The following SLIT2 variants were observed in gnomAD, a reference collection of about 807,000 sequenced individuals.
The protein encoded by SLIT2 is slit guidance ligand 2, also known as slit homolog 2 protein.
SLIT2 carries 41 observed loss-of-function variants against 185.7 expected under a neutral mutation model. The ratio of observed to expected loss-of-function variants is 0.22; its 90% confidence interval spans 0.17 to 0.29. The LOEUF is 0.29. Ranked by LOEUF, SLIT2 falls within the 10% of genes least tolerant of loss-of-function variation. The pLI, the probability that SLIT2 is intolerant of heterozygous loss-of-function variation, is 1.00. For missense variants in SLIT2, 1,571 were observed against 1,909.0 expected, an observed-to-expected ratio of 0.82 and a Z score of 3.30; for synonymous variants, 693 against 680.2, an observed-to-expected ratio of 1.02 and a Z score of -0.29.
intron 4 of SLIT2, among the ~76,000 whole-genome samples, chr4:20,346,851 G>T (rs1284760697): frequency 6.6e-6 from 1 of 152,132 alleles, no homozygotes; most frequent in Non-Finnish European, 1.5e-5. Context: ...GATGAAGACC[G>T]GAAGGATCAG....
chr4:20,595,778 A>G lies in SLIT2; in HGVS notation c.3264A>G (p.Gly1088=), dbSNP rs1237891698. 1.4e-5 allele frequency: 23 copies of G among 1,614,066 alleles called. No homozygotes were observed. In the Admixed American group the frequency reaches 3.8e-4, roughly 27 times the overall value. ...DDCQDNKCKN[G]AHCTDAVNGY... ...GCCAAGACAACAAGTGTAAAAACGGAGCCCACTGCACAGATGCAGTGAACG... is the reference window on the plus strand; with the variant it reads ...GCCAAGACAACAAGTGTAAAAACGGGGCCCACTGCACAGATGCAGTGAACG... The change falls in exon 31 of 37, where the codon GGA becomes GGG. Residue 1088 remains glycine (G), a synonymous_variant. Coordinates refer to ENST00000504154, the MANE Select transcript of SLIT2 (RefSeq NM_004787.4).
At chr4:20,386,333 G>T (rs1724934563) in intron 4 of SLIT2, among the ~76,000 whole-genome samples, 1 of 152,088 alleles carries the variant, frequency 6.6e-6, no homozygotes, top group Admixed American at 6.6e-5. Context: ...AATGTTTATG[G>T]CTTCATCTAA....
Position 20,348,439 on chromosome 4 carries a change from G to A in SLIT2, c.395+79558G>A, listed in dbSNP as rs1243044687. 2.6e-5 allele frequency among the ~76,000 whole-genome samples: 4 copies of A among 151,494 alleles called. No individual in the cohort carries two copies. The East Asian group carries it at 7.8e-4, about 29-fold the overall frequency. On this transcript the variant is annotated intron_variant, in intron 4 of 36. Coordinates refer to ENST00000504154, the MANE Select transcript of SLIT2 (RefSeq NM_004787.4). ...TTTAATATATTTTTAGTAGAGATGG[G>A]GTTTCACCAGGCTAGCCAGGGCTGG... is the stretch of plus-strand genomic sequence containing the variant.
At chr4:20,567,228 C>A (rs371903236) in intron 26 of SLIT2, 34 bp from the exon 27 acceptor site, 3 of 1,576,374 alleles carry the variant, frequency 1.9e-6, no homozygotes, top group Non-Finnish European at 2.6e-6. Context: ...ACTGGAAGAG[C>A]GTCAGTTGCT....
intron 16 of SLIT2, among the ~76,000 whole-genome samples, chr4:20,531,147 A>G (rs1721771680): frequency 6.6e-6 from 1 of 152,208 alleles, no homozygotes; most frequent in Non-Finnish European, 1.5e-5. Context: ...AAAAACGACA[A>G]CATATATCCA....
intron 16 of SLIT2, among the ~76,000 whole-genome samples, chr4:20,530,191 A>C (rs1721669701): frequency 6.6e-6 from 1 of 151,930 alleles, no homozygotes; most frequent in Non-Finnish European, 1.5e-5. Flanking sequence ...AAGGCCCTGA[A>C]CTTTATTTTT....
intron 5 of SLIT2, among the ~76,000 whole-genome samples, chr4:20,471,284 A>T (rs957189142): frequency 5.0e-5 from 7 of 140,544 alleles, no homozygotes; most frequent in African/African-American, 1.8e-4. Context: ...TTTAATCATG[A>T]AAACTTACGA....
intron 4 of SLIT2, among the ~76,000 whole-genome samples, chr4:20,303,062 T>C (rs2109111609): frequency 6.6e-6 from 1 of 152,368 alleles, no homozygotes. Context: ...TCAAATAATA[T>C]ACTTTTGAAA....
chr4:20,480,179 T>C (rs1716546510), intron 5 of SLIT2, among the ~76,000 whole-genome samples: 1 of 152,176 alleles, frequency 6.6e-6, no homozygotes, highest in African/African-American at 2.4e-5. Context: ...GCAAGCTATA[T>C]GGGACATCAG....
At position 20,377,941 on chromosome 4, in the gene SLIT2, A is replaced by G. The variant is rs565752780; in HGVS notation, c.396-89811A>G. ...ATAAGGAAAAACTATATTGAAATCAATAATCACCATAATGGTGGTTTTAGA... is the reference window on the plus strand; with the variant it reads ...ATAAGGAAAAACTATATTGAAATCAGTAATCACCATAATGGTGGTTTTAGA... On this transcript the variant is annotated intron_variant, in intron 4 of 36. Coordinates refer to ENST00000504154, the MANE Select transcript of SLIT2 (RefSeq NM_004787.4). Among the ~76,000 whole-genome samples the G allele has an allele frequency of 5.3e-4, 80 of 152,310 alleles. No individual in the cohort carries two copies. The South Asian group carries it at 0.014, about 28-fold the overall frequency.
At chr4:20,578,828 T>C (rs985682144) in intron 29 of SLIT2, among the ~76,000 whole-genome samples, 15 of 152,340 alleles carry the variant, frequency 9.8e-5, no homozygotes, top group Non-Finnish European at 1.2e-4. Context: ...AACAAATTAA[T>C]ATTTTTAACA....
chr4:20,466,002 G>T (rs1002733677), intron 4 of SLIT2, among the ~76,000 whole-genome samples: 1 of 151,320 alleles, frequency 6.6e-6, no homozygotes, highest in African/African-American at 2.4e-5. Context: ...AATTATAAGC[G>T]ATTAGAAAAC....
intron 12 of SLIT2, among the ~76,000 whole-genome samples, chr4:20,521,725 G>A (rs1577846993): frequency 6.6e-6 from 1 of 152,076 alleles, no homozygotes; most frequent in African/African-American, 2.4e-5. Flanking sequence ...TTCAGCTCCT[G>A]ATGGGGAATC....
Position 20,480,794 on chromosome 4 carries a change from A to G in SLIT2, c.539+7A>G, listed in dbSNP as rs1241458622. The G allele has an allele frequency of 1.9e-6, 3 of 1,602,516 alleles. No homozygotes were observed. The highest frequency in any genetic ancestry group is 2.6e-6 in the Non-Finnish European group (3 of 1,169,592). The stretch of plus-strand genomic sequence containing the variant: ...TCCGGGACCTGGAAGTGCTGTAAGT[A>G]CTGCTATTTCTCTTGCTCTTTTAAC... On this transcript the variant is annotated splice_region_variant and intron_variant, in intron 6 of 36. Transcript: ENST00000504154.
chr4:20,595,619 A>G (rs1727912663), intron 30 of SLIT2, 78 bp from the exon 31 acceptor site: 1 of 1,559,590 alleles, frequency 6.4e-7, no homozygotes, highest in Non-Finnish European at 8.8e-7. Flanking sequence ...AGATGGTGCC[A>G]TTGTGTCTAG....
intron 4 of SLIT2, among the ~76,000 whole-genome samples, chr4:20,274,005 C>T (rs761947605): frequency 1.7e-4 from 26 of 152,132 alleles, no homozygotes; most frequent in Non-Finnish European, 3.1e-4. Flanking sequence ...TCATCTAGCG[C>T]GCTGCCATGA....
At chr4:20,338,137 C>T (rs1720660240) in intron 4 of SLIT2, among the ~76,000 whole-genome samples, 1 of 152,130 alleles carries the variant, frequency 6.6e-6, no homozygotes, top group African/African-American at 2.4e-5. Flanking sequence ...TTTTCAGTCT[C>T]TCATACATTT....
At chr4:20,497,065 A>ATTTTTTTTTT (rs36102199) in intron 9 of SLIT2, among the ~76,000 whole-genome samples, 1 of 148,618 alleles carries the variant, frequency 6.7e-6, no homozygotes, top group Non-Finnish European at 1.5e-5. Flanking sequence ...TATTTCTGAG[A>ATTTTTTTTTT]TTTTTTTTTT....
chr4:20,516,538 AACAGTGTAGG>A (rs1720236220), intron 11 of SLIT2, among the ~76,000 whole-genome samples: 1 of 152,122 alleles, frequency 6.6e-6, no homozygotes, highest in African/African-American at 2.4e-5. Flanking sequence ...CTTTTCCTCC[AACAGTGTAGG>A]ACAAATTCTC....
Sources: gnomAD v4.1 joint callset for allele counts (sites outside exome capture counted in the v4.1 genomes callset) on GRCh38, gnomAD v4.1.1 for gene constraint, MANE v1.5 for transcripts, NCBI Gene and HGNC (gene_info 2026-07-23, HGNC 2026-07-21) for gene names.